Variants in FBXL20 observed in about 807,000 individuals in gnomAD.
FBXL20 encodes the protein F-box/LRR-repeat protein 20.
A neutral mutation model predicts 64.0 loss-of-function variants in FBXL20; 11 were observed. That is an observed-to-expected ratio of 0.17 (90% CI 0.11 to 0.28). The LOEUF is 0.28. Ranked by LOEUF, FBXL20 falls within the 10% of genes least tolerant of loss-of-function variation. The probability of loss-of-function intolerance (pLI) is 1.00; values close to 1 mark genes in which losing one functional copy is unlikely to be tolerated. For missense variants in FBXL20, 303 were observed against 526.2 expected, an observed-to-expected ratio of 0.58 and a Z score of 4.15; for synonymous variants, 184 against 189.0, an observed-to-expected ratio of 0.97 and a Z score of 0.22.
intron 1 of FBXL20, among the ~76,000 whole-genome samples, chr17:39,350,321 C>A (rs1004268033): frequency 2.0e-5 from 3 of 152,132 alleles, no homozygotes; most frequent in Middle Eastern, 3.4e-3. Flanking sequence ...GAAACCCCAT[C>A]TCTACTAAAA....
intron 14 of FBXL20, among the ~76,000 whole-genome samples, chr17:39,262,132 A>C (rs964032809): frequency 6.6e-6 from 1 of 152,044 alleles, no homozygotes; most frequent in Non-Finnish European, 1.5e-5. Context: ...GTGAAGAAAA[A>C]AAATGGCTGC....
chr17:39,402,087 C>T, upstream of FBXL20: 2 of 1,151,686 alleles, frequency 1.7e-6, no homozygotes, highest in Non-Finnish European at 2.2e-6. Flanking sequence ...TGCCCGCGCC[C>T]GTCGCCCCTC....
At chr17:39,277,197 A>G (rs1293605416) in intron 9 of FBXL20, among the ~76,000 whole-genome samples, 1 of 152,246 alleles carries the variant, frequency 6.6e-6, no homozygotes, top group African/African-American at 2.4e-5. Flanking sequence ...TAAGGCAGAT[A>G]CTAATGAGGA....
upstream of FBXL20, chr17:39,402,193 G>A (rs2048254815): frequency 1.6e-6 from 2 of 1,232,434 alleles, no homozygotes; most frequent in Admixed American, 4.2e-5. Flanking sequence ...AACCCAAAGT[G>A]CAGCAGGCGG....
intron 9 of FBXL20, 86 bp from the exon 10 acceptor site, chr17:39,275,186 T>C (rs893108555): frequency 2.2e-5 from 30 of 1,386,624 alleles, no homozygotes; most frequent in Non-Finnish European, 2.7e-5. Flanking sequence ...GTGAAAATAA[T>C]CACCAAAAAG....
intron 6 of FBXL20, among the ~76,000 whole-genome samples, chr17:39,291,509 C>A (rs1022030706): frequency 4.1e-5 from 6 of 147,012 alleles, no homozygotes; most frequent in Non-Finnish European, 8.9e-5. Context: ...TCTCAGCTCA[C>A]TGCAACCTCT....
At chr17:39,270,133 A>G (rs2046830551) in intron 11 of FBXL20, among the ~76,000 whole-genome samples, 1 of 152,350 alleles carries the variant, frequency 6.6e-6, no homozygotes, top group African/African-American at 2.4e-5. Context: ...AGAACCAGAC[A>G]TGTGTTTCCT....
intron 6 of FBXL20, among the ~76,000 whole-genome samples, chr17:39,285,990 A>G (rs911131179): frequency 1.3e-5 from 2 of 152,220 alleles, no homozygotes; most frequent in Admixed American, 1.3e-4. Context: ...CCTACTCAAG[A>G]TAACCTTTTG....
intron 2 of FBXL20, among the ~76,000 whole-genome samples, chr17:39,310,544 C>T (rs2047224945): frequency 6.6e-6 from 1 of 152,102 alleles, no homozygotes. Flanking sequence ...AAAATCTTTC[C>T]TTTACTCAAA....
chr17:39,353,846 C>G (rs2047711466), intron 1 of FBXL20, among the ~76,000 whole-genome samples: 1 of 152,038 alleles, frequency 6.6e-6, no homozygotes, highest in Non-Finnish European at 1.5e-5. Context: ...TGGTCTCGAC[C>G]TCTTGACCTT....
intron 2 of FBXL20, among the ~76,000 whole-genome samples, chr17:39,338,553 T>TAAA (rs2047551620): frequency 2.0e-5 from 3 of 151,634 alleles, no homozygotes; most frequent in Non-Finnish European, 2.9e-5. Flanking sequence ...ATAATAATAA[T>TAAA]AAACGAAAAA....
chr17:39,309,631 C>T (rs1250118021), intron 2 of FBXL20, among the ~76,000 whole-genome samples: 2 of 150,940 alleles, frequency 1.3e-5, no homozygotes, highest in Admixed American at 6.6e-5. Flanking sequence ...GGCGAAACCC[C>T]GTCTCTACTA....
In FBXL20 at chr17:39,260,903, A is replaced by T. The variant is rs2046739683; in HGVS notation, c.*557T>A. 6.4e-6 allele frequency: 1 copy of T among 155,950 alleles called. No homozygotes were observed. The highest frequency in any genetic ancestry group is 2.4e-5 in the African/African-American group (1 of 41,464). 9.7% of individuals were successfully genotyped at this position (155,950 alleles called of 1,614,324 possible). On this transcript the variant is annotated 3_prime_UTR_variant, in exon 15 of 15. Transcript: ENST00000264658. The stretch of plus-strand genomic sequence containing the variant: ...AAATACTAAAACACAGGAGGAATGG[A>T]CGAGCCTTCTTTGTGAGCATGCTCA...
At chr17:39,322,370 T>C (rs2047365308) in intron 2 of FBXL20, among the ~76,000 whole-genome samples, 1 of 152,230 alleles carries the variant, frequency 6.6e-6, no homozygotes, top group Non-Finnish European at 1.5e-5. Context: ...ATCAACATAT[T>C]AAACTCCCAA....
At chr17:39,270,923 A>T in intron 10 of FBXL20, 67 bp from the exon 11 acceptor site, 1 of 1,297,582 alleles carries the variant, frequency 7.7e-7, no homozygotes. Context: ...GTTTATTAAA[A>T]CAGTAAGAAT....
chr17:39,400,754 T>G (rs951235874), intron 1 of FBXL20, among the ~76,000 whole-genome samples: 6 of 152,122 alleles, frequency 3.9e-5, no homozygotes, highest in Admixed American at 3.9e-4. Flanking sequence ...TCAAAGCATG[T>G]AGACATCCAA....
intron 7 of FBXL20, among the ~76,000 whole-genome samples, chr17:39,283,065 TAACC>T (rs2144391869): frequency 6.6e-6 from 1 of 152,312 alleles, no homozygotes; most frequent in East Asian, 1.9e-4. Context: ...AAATCCAGCT[TAACC>T]AACAAACACA....
intron 1 of FBXL20, among the ~76,000 whole-genome samples, chr17:39,344,734 G>A (rs1468038465): frequency 6.6e-6 from 1 of 152,144 alleles, no homozygotes; most frequent in Non-Finnish European, 1.5e-5. Context: ...AGCTTGCAGT[G>A]AGCCAAGATG....
chr17:39,367,234 T>C, intron 1 of FBXL20, among the ~76,000 whole-genome samples: 1 of 152,130 alleles, frequency 6.6e-6, no homozygotes. Flanking sequence ...GTAAATATTT[T>C]GGAAGTTTTT....
Sources: allele counts gnomAD v4.1 joint callset (sites outside exome capture counted in the v4.1 genomes callset), GRCh38; gene constraint gnomAD v4.1.1; transcripts MANE v1.5; gene names NCBI Gene and HGNC (gene_info 2026-07-23, HGNC 2026-07-21).